Variants in TRDN observed in about 807,000 individuals in gnomAD.
TRDN encodes triadin, also known as triadin in skeletal muscle.
Under a neutral mutation model 149.7 loss-of-function variants are expected in TRDN, and 161 were observed. The observed-to-expected ratio is 1.08, with a 90% CI of 0.95 to 1.23. The LOEUF is 1.23. TRDN is among the 50% of genes most tolerant of loss of function. TRDN has a pLI of 0.00. For missense variants in TRDN, 896 were observed against 823.5 expected (o/e 1.09, Z -1.08); for synonymous variants, 294 against 250.5 (o/e 1.17, Z -1.64).
At chr6:123,496,509 C>T (rs1778453191) in intron 9 of TRDN, among the ~76,000 whole-genome samples, 1 of 152,008 alleles carries the variant, frequency 6.6e-6, no homozygotes, top group Non-Finnish European at 1.5e-5. Context: ...CAAACATGAA[C>T]ATAGTTCTGT....
chr6:123,350,854 G>A (rs1269751481), intron 21 of TRDN: 14 of 983,464 alleles, frequency 1.4e-5, no homozygotes, highest in Middle Eastern at 5.2e-4. Context: ...TAAGATAAAA[G>A]AAGATTTTAG....
At position 123,269,783 on chromosome 6, in the gene TRDN, A is replaced by G. The variant is rs554079432; in HGVS notation, c.1738+66T>C. On this transcript the variant is annotated intron_variant, in intron 31 of 40. Transcript: ENST00000334268. The stretch of plus-strand genomic sequence containing the variant: ...AATAACATTTTTCTTAAAAAAACTA[A>G]GCAAAATTGTTAAAGCTGAAATGGT... 6 of 1,541,544 alleles carry G rather than the reference A, an allele frequency of 3.9e-6. No individual in the cohort carries two copies. The African/African-American group carries it at 8.2e-5, about 21-fold the overall frequency.
Position 123,439,004 on chromosome 6 carries a change from C to G in TRDN, c.932-1G>C, listed in dbSNP as rs899481541. 7 of 1,546,508 alleles carry G rather than the reference C, an allele frequency of 4.5e-6. No homozygotes were observed. The highest frequency in any genetic ancestry group is 5.2e-6 in the Non-Finnish European group (6 of 1,143,904). Reference sequence around the variant, plus strand: ...GCCTTCTTCTTTTCCCCTTCTTTTTCTAGAGAATACATTTAAAATATTTCC... The same window carrying G: ...GCCTTCTTCTTTTCCCCTTCTTTTTGTAGAGAATACATTTAAAATATTTCC... On this transcript the variant is annotated splice_acceptor_variant, in intron 10 of 40. Coordinates refer to ENST00000334268, the MANE Select transcript of TRDN (RefSeq NM_006073.4). LOFTEE classifies it high-confidence loss of function.
At chr6:123,342,705 G>A (rs1281496043) in intron 21 of TRDN, among the ~76,000 whole-genome samples, 1 of 151,934 alleles carries the variant, frequency 6.6e-6, no homozygotes, top group Non-Finnish European at 1.5e-5. Flanking sequence ...GTTATGAGAT[G>A]ACAAAGTTAG....
At chr6:123,528,687 A>C in intron 5 of TRDN, 1 of 987,872 alleles carries the variant, frequency 1.0e-6, no homozygotes, top group Non-Finnish European at 1.2e-6. Context: ...GCAGTTGTAA[A>C]GCAAAACATT....
chr6:123,285,320 G>A (rs1387989315), intron 24 of TRDN, among the ~76,000 whole-genome samples: 4 of 152,072 alleles, frequency 2.6e-5, no homozygotes, highest in African/African-American at 7.2e-5. Flanking sequence ...CCAAAACAGT[G>A]TGGTACTGGT....
chr6:123,449,511 A>G (rs146008454), intron 10 of TRDN, among the ~76,000 whole-genome samples: 1 of 152,164 alleles, frequency 6.6e-6, no homozygotes, highest in Non-Finnish European at 1.5e-5. Context: ...CCAATCCAAT[A>G]AAGACAAAGA....
At chr6:123,519,181 C>T (rs978272316) in intron 5 of TRDN, among the ~76,000 whole-genome samples, 5 of 152,132 alleles carry the variant, frequency 3.3e-5, no homozygotes, top group African/African-American at 1.2e-4. Flanking sequence ...AAAGTCCCTT[C>T]GGTATGCTGA....
intron 9 of TRDN, among the ~76,000 whole-genome samples, chr6:123,467,192 T>C (rs1250345819): frequency 6.6e-6 from 1 of 151,970 alleles, no homozygotes; most frequent in African/African-American, 2.4e-5. Context: ...AGGAAAATCG[T>C]ATATACTAAG....
chr6:123,382,088 A>G, intron 15 of TRDN, 30 bp downstream of exon 15: 1 of 1,465,100 alleles, frequency 6.8e-7, no homozygotes, highest in South Asian at 1.4e-5. Context: ...CATCAAACAT[A>G]AGGCAGAAAA....
chr6:123,445,520 A>G (rs1775270210), intron 10 of TRDN, among the ~76,000 whole-genome samples: 1 of 106,240 alleles, frequency 9.4e-6, no homozygotes, highest in Non-Finnish European at 1.8e-5. Flanking sequence ...ATCTACAATG[A>G]ACTCAAACAA....
intron 9 of TRDN, chr6:123,488,638 G>A (rs146509889): frequency 2.0e-5 from 3 of 150,252 alleles, no homozygotes; most frequent in Admixed American, 6.6e-5. Context: ...ATTTCCTTTC[G>A]TTGGACTTTT....
chr6:123,503,954 G>T, intron 7 of TRDN, 53 bp from the exon 8 acceptor site: 2 of 1,494,412 alleles, frequency 1.3e-6, no homozygotes, highest in Non-Finnish European at 1.8e-6. Context: ...CAAACATAAT[G>T]TTTCATCTGT....
At chr6:123,367,402 G>A (rs1327410730) in intron 19 of TRDN, among the ~76,000 whole-genome samples, 3 of 152,006 alleles carry the variant, frequency 2.0e-5, no homozygotes, top group Non-Finnish European at 4.4e-5. Context: ...CAAACAAGGC[G>A]AGCCTTTACA....
At position 123,528,983 on chromosome 6, in the gene TRDN, C is replaced by G. The variant is rs923152462; in HGVS notation, c.484+1523G>C. The G allele has an allele frequency of 2.4e-6, 3 of 1,262,538 alleles. No individual in the cohort carries two copies. The East Asian group carries it at 9.8e-5, about 41-fold the overall frequency. 78.2% of individuals were successfully genotyped at this position (1,262,538 alleles called of 1,614,324 possible). On this transcript the variant is annotated intron_variant, in intron 5 of 40. Coordinates refer to ENST00000334268, the MANE Select transcript of TRDN (RefSeq NM_006073.4). ...TGAGAAATTTATTTTAGACTTCAGC[C>G]AAATTCACTGTCTTAATTATGGAAG...
At chr6:123,265,066 C>T (rs938374563) in intron 33 of TRDN, among the ~76,000 whole-genome samples, 2 of 151,912 alleles carry the variant, frequency 1.3e-5, no homozygotes, top group Non-Finnish European at 2.9e-5. Context: ...AATCACTAAA[C>T]ATCTCTTCAT....
chr6:123,331,145 G>A (rs1348483908), intron 23 of TRDN, among the ~76,000 whole-genome samples: 1 of 152,022 alleles, frequency 6.6e-6, no homozygotes, highest in African/African-American at 2.4e-5. Context: ...ACAATGCCAT[G>A]TCCACAGAAT....
intron 23 of TRDN, among the ~76,000 whole-genome samples, chr6:123,318,662 T>C (rs1428613907): frequency 4.6e-5 from 7 of 152,132 alleles, no homozygotes; most frequent in Non-Finnish European, 1.0e-4. Context: ...AATAGGTATC[T>C]ATTTGAAACA....
chr6:123,332,239 C>T (rs922361146), intron 22 of TRDN, among the ~76,000 whole-genome samples: 1 of 151,980 alleles, frequency 6.6e-6, no homozygotes, highest in African/African-American at 2.4e-5. Context: ...AATCGCATGA[C>T]TTCAGCATGC....
Sources: gnomAD v4.1 joint callset for allele counts (sites outside exome capture counted in the v4.1 genomes callset) on GRCh38, gnomAD v4.1.1 for gene constraint, MANE v1.5 for transcripts, NCBI Gene and HGNC (gene_info 2026-07-23, HGNC 2026-07-21) for gene names.